The following TSHZ2 variants were observed in gnomAD, a reference collection of about 807,000 sequenced individuals.
TSHZ2 encodes teashirt homolog 2.
A neutral mutation model predicts 74.4 loss-of-function variants in TSHZ2; 21 were observed. The ratio of observed to expected loss-of-function variants is 0.28; its 90% confidence interval spans 0.20 to 0.41. The LOEUF is 0.41. Ranked by LOEUF, TSHZ2 falls within the 10% of genes least tolerant of loss-of-function variation. TSHZ2 has a pLI of 1.00. For missense variants in TSHZ2, 1,244 were observed against 1,293.5 expected (o/e 0.96, Z 0.59); for synonymous variants, 540 against 515.3 (o/e 1.05, Z -0.65).
chr20:53,265,005 T>A (rs116734882), intron 2 of TSHZ2, among the ~76,000 whole-genome samples: 231 of 152,142 alleles, frequency 1.5e-3, no homozygotes, highest in African/African-American at 5.4e-3. Context: ...TACCTGCTCC[T>A]CTCCAACCAC....
rs3830901 is a variant in TSHZ2, at chr20:53,294,472, T to TA, written c.*8+37911dup. The stretch of plus-strand genomic sequence containing the variant: ...ACTGCTTTGGAAGTCCACAAGCTTA[T>TA]AAAAAAAAAAGAGAGAGAGAGAGAC... On this transcript the variant is annotated intron_variant, in intron 2 of 2. Coordinates refer to ENST00000371497, the MANE Select transcript of TSHZ2 (RefSeq NM_173485.6). Among the ~76,000 whole-genome samples the TA allele has an allele frequency of 3.2e-3, 475 of 147,018 alleles. 6 individuals carry two copies. The highest frequency in any genetic ancestry group is 5.8e-3 in the African/African-American group (234 of 40,004).
intron 1 of TSHZ2, among the ~76,000 whole-genome samples, chr20:53,217,726 T>C (rs1989468711): frequency 6.6e-6 from 1 of 152,214 alleles, no homozygotes; most frequent in Non-Finnish European, 1.5e-5. Flanking sequence ...AAACAATTCA[T>C]GGGCCAAACA....
intron 1 of TSHZ2, among the ~76,000 whole-genome samples, chr20:53,086,983 G>A (rs909652893): frequency 3.3e-5 from 5 of 152,164 alleles, no homozygotes; most frequent in African/African-American, 1.2e-4. Flanking sequence ...TCAGGGGATG[G>A]GGTGGAGGGT....
Position 53,468,839 on chromosome 20 carries a change from G to A in TSHZ2, c.*9-18305G>A, listed in dbSNP as rs182655925. On this transcript the variant is annotated intron_variant, in intron 2 of 2. Transcript: ENST00000371497. Reference sequence around the variant, plus strand: ...TTAAAAGAGGAAGTTCAGAAGTTGGGATTTTCCAGTGTGTCAATTATGACC... The same window carrying A: ...TTAAAAGAGGAAGTTCAGAAGTTGGAATTTTCCAGTGTGTCAATTATGACC... Among the ~76,000 whole-genome samples, 70 of 150,616 alleles carry A rather than the reference G, an allele frequency of 4.6e-4. No individual in the cohort carries two copies. The East Asian group carries it at 5.3e-3, about 11-fold the overall frequency.
rs901232747 is a variant in TSHZ2 at position 53,352,110 on chromosome 20, G to A, written c.*8+95539G>A. Reference sequence around the variant, plus strand: ...CTGTATTCTGATTCTAAAACCATGTGAGTTCACACAAAATGACACTGAAAA... The same window carrying A: ...CTGTATTCTGATTCTAAAACCATGTAAGTTCACACAAAATGACACTGAAAA... On this transcript the variant is annotated intron_variant, in intron 2 of 2. Coordinates refer to ENST00000371497, the MANE Select transcript of TSHZ2 (RefSeq NM_173485.6). Among the ~76,000 whole-genome samples, 4 of 152,070 alleles carry A rather than the reference G, an allele frequency of 2.6e-5. No homozygotes were observed. The East Asian group carries it at 5.8e-4, about 22-fold the overall frequency.
intron 1 of TSHZ2, among the ~76,000 whole-genome samples, chr20:53,059,674 T>G (rs2123161773): frequency 6.6e-6 from 1 of 152,334 alleles, no homozygotes; most frequent in South Asian, 2.1e-4. Context: ...CCTACAGCTT[T>G]GAGATTTATT....
chr20:52,979,969 GCT>G (rs1981500453), intron 1 of TSHZ2, among the ~76,000 whole-genome samples: 1 of 152,176 alleles, frequency 6.6e-6, no homozygotes, highest in African/African-American at 2.4e-5. Flanking sequence ...CTAAATGAGA[GCT>G]CTCTTTCTAC....
At chr20:53,110,506 CTTGGAGGCATGCTAG>C (rs1329541260) in intron 1 of TSHZ2, among the ~76,000 whole-genome samples, 3 of 152,094 alleles carry the variant, frequency 2.0e-5, no homozygotes, top group African/African-American at 7.2e-5. Context: ...TGCATTACTA[CTTGGAGGCATGCTAG>C]TTGGGCACCA....
chr20:53,483,301 G>C (rs1427053938), intron 2 of TSHZ2, among the ~76,000 whole-genome samples: 3 of 152,102 alleles, frequency 2.0e-5, no homozygotes, highest in Non-Finnish European at 4.4e-5. Flanking sequence ...ACTTGTCCCA[G>C]CTTTTCAGGA....
chr20:53,327,323 C>T lies in TSHZ2; in HGVS notation c.*8+70752C>T, dbSNP rs79076527. The stretch of plus-strand genomic sequence containing the variant: ...AACTAATGACGTACAGCCATTAACT[C>T]TATTATTTACTAGAAATGACAGATG... On this transcript the variant is annotated intron_variant, in intron 2 of 2. Coordinates refer to ENST00000371497, the MANE Select transcript of TSHZ2 (RefSeq NM_173485.6). 4.5e-3 allele frequency among the ~76,000 whole-genome samples: 689 copies of T among 152,236 alleles called. 6 individuals carry two copies. The highest frequency in any genetic ancestry group is 0.016 in the African/African-American group (659 of 41,544).
chr20:53,467,181 C>G (rs1452960843), intron 2 of TSHZ2, among the ~76,000 whole-genome samples: 1 of 152,186 alleles, frequency 6.6e-6, no homozygotes, highest in Non-Finnish European at 1.5e-5. Flanking sequence ...ATATCCACAT[C>G]AAATGTTTTG....
At chr20:52,977,421 TACACACACACACACACAC>T (rs36230826) in intron 1 of TSHZ2, among the ~76,000 whole-genome samples, 121 of 141,478 alleles carry the variant, frequency 8.6e-4, no homozygotes, top group South Asian at 6.1e-3. Context: ...AATGGAAAAA[TACACACACACACACACAC>T]ACACACACAC....
chr20:53,399,353 G>T (rs1205816346), intron 2 of TSHZ2: 1 of 152,172 alleles, frequency 6.6e-6, no homozygotes, highest in East Asian at 1.9e-4. Flanking sequence ...TTGGTGGCGT[G>T]CAGGAAAGAA....
At chr20:53,410,519 C>T (rs1488853796) in intron 2 of TSHZ2, among the ~76,000 whole-genome samples, 1 of 151,916 alleles carries the variant, frequency 6.6e-6, no homozygotes, top group Non-Finnish European at 1.5e-5. Context: ...TTACAAAACA[C>T]ATAACTCTCT....
At chr20:53,147,856 A>G (rs1987580505) in intron 1 of TSHZ2, among the ~76,000 whole-genome samples, 1 of 152,164 alleles carries the variant, frequency 6.6e-6, no homozygotes, top group African/African-American at 2.4e-5. Context: ...AGTTGGGATT[A>G]TAGGCATGCA....
At chr20:53,059,041 C>G (rs1003028207) in intron 1 of TSHZ2, among the ~76,000 whole-genome samples, 2 of 152,156 alleles carry the variant, frequency 1.3e-5, no homozygotes, top group African/African-American at 4.8e-5. Context: ...TCAGAAGCTG[C>G]CACACAAGGA....
At chr20:53,034,958 G>A (rs1282221489) in intron 1 of TSHZ2, among the ~76,000 whole-genome samples, 1 of 152,232 alleles carries the variant, frequency 6.6e-6, no homozygotes, top group Non-Finnish European at 1.5e-5. Flanking sequence ...CAGCTGTGAA[G>A]ATTATAGAGA....
intron 2 of TSHZ2, among the ~76,000 whole-genome samples, chr20:53,395,486 C>G (rs754704810): frequency 1.3e-5 from 2 of 152,204 alleles, no homozygotes; most frequent in Non-Finnish European, 2.9e-5. Flanking sequence ...CTCCATTGAG[C>G]TAGCCAAATA....
chr20:53,286,259 G>T (rs1991164267), intron 2 of TSHZ2, among the ~76,000 whole-genome samples: 1 of 152,180 alleles, frequency 6.6e-6, no homozygotes. Context: ...TATTATGAAT[G>T]CACTAATTAA....
Sources: gnomAD v4.1 joint callset for allele counts (sites outside exome capture counted in the v4.1 genomes callset) on GRCh38, gnomAD v4.1.1 for gene constraint, MANE v1.5 for transcripts, NCBI Gene and HGNC (gene_info 2026-07-23, HGNC 2026-07-21) for gene names.